The following FOXO3B variants were observed in gnomAD, a reference collection of about 807,000 sequenced individuals.
The protein encoded by FOXO3B is forkhead box O3B.
A neutral mutation model predicts 21.9 loss-of-function variants in FOXO3B; 15 were observed. The observed-to-expected ratio is 0.68, with a 90% CI of 0.46 to 1.05. The LOEUF is 1.05. Ranked by LOEUF, FOXO3B falls within the 50% of genes least tolerant of loss-of-function variation. FOXO3B has a pLI of 0.00. For synonymous variants in FOXO3B, 135 were observed against 213.6 expected (o/e 0.63, Z 3.21); for missense variants, 293 against 435.5 (o/e 0.67, Z 2.91).
intron 3 of FOXO3B, among the ~76,000 whole-genome samples, chr17:18,679,328 T>TATGA (rs1198636361): frequency 1.3e-5 from 2 of 152,056 alleles, no homozygotes; most frequent in South Asian, 4.1e-4. Flanking sequence ...TTACAAACAC[T>TATGA]ATGAATGTGC....
chr17:18,674,937 C>A (rs1467008109), intron 3 of FOXO3B, among the ~76,000 whole-genome samples: 1 of 152,208 alleles, frequency 6.6e-6, no homozygotes, highest in Non-Finnish European at 1.5e-5. Context: ...TAGAGCTACT[C>A]CTTTCAGTTG....
Position 18,682,304 on chromosome 17 carries a change from C to G in FOXO3B, c.-296G>C. 1.9e-6 allele frequency: 1 copy of G among 533,688 alleles called. No homozygotes were observed. The highest frequency in any genetic ancestry group is 1.9e-5 in the African/African-American group (1 of 52,432). 33.1% of individuals were successfully genotyped at this position (533,688 alleles called of 1,614,324 possible). On this transcript the variant is annotated 5_prime_UTR_variant, in exon 1 of 4. Coordinates refer to ENST00000395675, the MANE Select transcript of FOXO3B (RefSeq NM_001368135.1). ...AGCCAGGCGTGCTGCTCTCATTCCG[C>G]CCGGAACTACAATTCCCAGAAGCGC...
chr17:18,680,911 C>CTATA (rs2032573068), intron 2 of FOXO3B, 82 bp from the exon 3 acceptor site: 2 of 1,388,030 alleles, frequency 1.4e-6, no homozygotes, highest in South Asian at 2.5e-5. Context: ...CTTCAACATA[C>CTATA]TATATGTGCT....
intron 3 of FOXO3B, among the ~76,000 whole-genome samples, chr17:18,680,189 A>G (rs2032559771): frequency 6.6e-6 from 1 of 152,212 alleles, no homozygotes; most frequent in Admixed American, 6.5e-5. Flanking sequence ...AGGGGCCAAC[A>G]ATATAAAAGT....
chr17:18,677,013 G>A (rs1278361125), intron 3 of FOXO3B, among the ~76,000 whole-genome samples: 5 of 152,286 alleles, frequency 3.3e-5, no homozygotes, highest in African/African-American at 1.2e-4. Flanking sequence ...GAGAATAAAA[G>A]GGCTTTAACT....
chr17:18,677,751 C>A, intron 3 of FOXO3B: 5 of 1,515,454 alleles, frequency 3.3e-6, no homozygotes, highest in Non-Finnish European at 4.5e-6. Flanking sequence ...GGCGCTACGG[C>A]GGCTGTAGTG....
chr17:18,679,005 AC>A (rs1487551146), intron 3 of FOXO3B, among the ~76,000 whole-genome samples: 9 of 151,572 alleles, frequency 5.9e-5, no homozygotes, highest in Middle Eastern at 3.4e-3. Flanking sequence ...CTGGCCTTCA[AC>A]ACAGGAAGAT....
rs1287206656 is a variant in FOXO3B, at chr17:18,667,954, G to C, written c.*4355C>G. 1 of 152,212 alleles carries C rather than the reference G, an allele frequency of 6.6e-6. No individual in the cohort carries two copies. The highest frequency in any genetic ancestry group is 2.4e-5 in the African/African-American group (1 of 41,436). The allele number at this position is 152,212 out of a possible 1,614,324, so 9.4% of individuals were successfully genotyped here. On this transcript the variant is annotated 3_prime_UTR_variant, in exon 4 of 4. Coordinates refer to ENST00000395675, the MANE Select transcript of FOXO3B (RefSeq NM_001368135.1). Reference sequence around the variant, plus strand: ...CATTCTGCTGATATGCTCCAGATCAGAAAATTATTGTTAGGGACCCGTGAC... The same window carrying C: ...CATTCTGCTGATATGCTCCAGATCACAAAATTATTGTTAGGGACCCGTGAC...
chr17:18,675,254 C>T (rs892751023), intron 3 of FOXO3B, among the ~76,000 whole-genome samples: 1 of 151,348 alleles, frequency 6.6e-6, no homozygotes, highest in African/African-American at 2.4e-5. Context: ...TTAAGCAGCA[C>T]TGAAAAGGCA....
chr17:18,677,441 G>A (rs2032510737), intron 3 of FOXO3B: 2 of 1,614,186 alleles, frequency 1.2e-6, no homozygotes. Flanking sequence ...TGACCATCAA[G>A]TGCCTGCTGA....
intron 3 of FOXO3B, among the ~76,000 whole-genome samples, chr17:18,679,238 T>G (rs1369528560): frequency 1.3e-5 from 2 of 152,218 alleles, no homozygotes; most frequent in Non-Finnish European, 2.9e-5. Flanking sequence ...TAAAGCTTCT[T>G]GACTAATAAA....
chr17:18,682,099 C>T, intron 1 of FOXO3B, 105 bp downstream of exon 1: 2 of 632,476 alleles, frequency 3.2e-6, no homozygotes, highest in South Asian at 3.2e-5. Context: ...GCCCTCGAGG[C>T]CCCTTTAACA....
rs1308450846 is a variant in FOXO3B, at chr17:18,668,875, G to A, written c.*3434C>T. 3 of 152,002 alleles carry A rather than the reference G, an allele frequency of 2.0e-5. No individual in the cohort carries two copies. The highest frequency in any genetic ancestry group is 4.4e-5 in the Non-Finnish European group (3 of 68,004). 9.4% of individuals were successfully genotyped at this position (152,002 alleles called of 1,614,324 possible). ...AGGAAGTGGCTAGCATTATTATAAA[G>A]GAATATAGTAAGCAAGTCTGGCTCA... On this transcript the variant is annotated 3_prime_UTR_variant, in exon 4 of 4. Transcript: ENST00000395675.
At chr17:18,677,570 G>A in intron 3 of FOXO3B, 2 of 1,603,008 alleles carry the variant, frequency 1.2e-6, no homozygotes, top group Non-Finnish European at 1.7e-6. Flanking sequence ...GCGCCGGCGG[G>A]CCCAGCGGCA....
chr17:18,672,041 T>C lies in FOXO3B; in HGVS notation c.*268A>G. On this transcript the variant is annotated 3_prime_UTR_variant, in exon 4 of 4. Coordinates refer to ENST00000395675, the MANE Select transcript of FOXO3B (RefSeq NM_001368135.1). The surrounding 1 kb of genome is among the most constrained non-coding windows in gnomAD (Gnocchi z 4.2). Reference sequence around the variant, plus strand: ...TCCAGCTCATCACTGCTGCGTGACGTGGGGCTGCCAGACCACTTGGAGAGC... The same window carrying C: ...TCCAGCTCATCACTGCTGCGTGACGCGGGGCTGCCAGACCACTTGGAGAGC... The C allele has an allele frequency of 6.2e-7, 1 of 1,611,546 alleles. No individual in the cohort carries two copies. Among genetic ancestry groups the C allele is most frequent in the Non-Finnish European group, 8.5e-7 (1 of 1,178,800 alleles).
intron 3 of FOXO3B, chr17:18,677,620 C>T: frequency 6.2e-7 from 1 of 1,608,150 alleles, no homozygotes; most frequent in Admixed American, 1.7e-5. Flanking sequence ...GGCACTGCAG[C>T]TTCCTCCACC....
In FOXO3B at chr17:18,672,543, C is replaced by T; in HGVS notation, c.639G>A (p.Gln213=). ...GLSGGTQALL[Q]PQQPLPPPQP... ...GCGGCGGTGGCAGCGGTTGCTGAGG[C>T]TGCAGCAGCGCCTGTGTACCCCCGC... Residue 213 remains glutamine, a synonymous_variant, in exon 4 of 4, where the codon CAG becomes CAA. Coordinates refer to ENST00000395675, the MANE Select transcript of FOXO3B (RefSeq NM_001368135.1). This position sits in a 1 kb window ranked among gnomAD's most constrained non-coding sequence, Gnocchi z 4.2. The T allele has an allele frequency of 6.8e-7, 1 of 1,480,096 alleles. No homozygotes were observed. The highest frequency in any genetic ancestry group is 2.5e-5 in the East Asian group (1 of 40,432). The allele number at this position is 1,480,096 out of a possible 1,614,324, so 91.7% of individuals were successfully genotyped here.
At chr17:18,680,640 A>G in intron 3 of FOXO3B, 101 bp downstream of exon 3, 1 of 982,064 alleles carries the variant, frequency 1.0e-6, no homozygotes, top group South Asian at 1.7e-5. Flanking sequence ...AGCTCTGCAG[A>G]TGGGCTTTAG....
intron 3 of FOXO3B, among the ~76,000 whole-genome samples, chr17:18,677,927 AAAAAAG>A (rs2032524006): frequency 1.3e-5 from 2 of 151,328 alleles, no homozygotes; most frequent in African/African-American, 4.8e-5. Flanking sequence ...AAAAAAAAAA[AAAAAAG>A]AAAGAAGAGA....
Sources: gnomAD v4.1 joint callset for allele counts (sites outside exome capture counted in the v4.1 genomes callset) on GRCh38, gnomAD v4.1.1 for gene constraint, Gnocchi (gnomAD v3.1) non-coding constraint, MANE v1.5 for transcripts, NCBI Gene and HGNC (gene_info 2026-07-23, HGNC 2026-07-21) for gene names.